CTNNA2: variants seen among roughly 807,000 people sequenced by gnomAD.
The protein encoded by CTNNA2 is catenin alpha 2, also known as catenin alpha-2.
In CTNNA2, 42 loss-of-function variants were observed where a neutral mutation model predicts 101.0. That is an observed-to-expected ratio of 0.42 (90% CI 0.32 to 0.54). The LOEUF is 0.54. CTNNA2 is among the 20% of genes least tolerant of loss of function. The pLI is 0.14. For missense variants in CTNNA2, 871 were observed against 1,223.1 expected (o/e 0.71, Z 4.29); for synonymous variants, 450 against 456.4 (o/e 0.99, Z 0.18).
At chr2:79,493,037 C>T (rs1671219662) in intron 4 of CTNNA2, among the ~76,000 whole-genome samples, 1 of 152,106 alleles carries the variant, frequency 6.6e-6, no homozygotes, top group African/African-American at 2.4e-5. Flanking sequence ...CATCAACAAA[C>T]TATGATTGGG....
chr2:80,116,710 A>T (rs1243877376), intron 7 of CTNNA2, among the ~76,000 whole-genome samples: 2 of 152,170 alleles, frequency 1.3e-5, no homozygotes, highest in Non-Finnish European at 2.9e-5. Context: ...TAATTGAGAT[A>T]ACAGCTACTG....
At chr2:79,735,317 C>T (rs1670797482) in intron 2 of CTNNA2, among the ~76,000 whole-genome samples, 1 of 152,104 alleles carries the variant, frequency 6.6e-6, no homozygotes, top group Non-Finnish European at 1.5e-5. Flanking sequence ...GAAAAGGCTG[C>T]TGTACTTTGT....
intron 3 of CTNNA2, among the ~76,000 whole-genome samples, chr2:79,814,390 A>T (rs1228909122): frequency 6.6e-6 from 1 of 151,992 alleles, no homozygotes; most frequent in African/African-American, 2.4e-5. Context: ...ATCCCTCGCC[A>T]CCTCTCACCT....
intron 9 of CTNNA2, among the ~76,000 whole-genome samples, chr2:80,516,931 C>T (rs1279898286): frequency 6.6e-6 from 1 of 152,178 alleles, no homozygotes; most frequent in South Asian, 2.1e-4. Context: ...TTCTTTGCTT[C>T]ATTCCTCTCA....
At chr2:79,517,232 A>G (rs903999664) in intron 1 of CTNNA2, among the ~76,000 whole-genome samples, 4 of 152,250 alleles carry the variant, frequency 2.6e-5, no homozygotes, top group African/African-American at 9.6e-5. Flanking sequence ...ATCCAACAGC[A>G]TAAGTGATAT....
intron 7 of CTNNA2, among the ~76,000 whole-genome samples, chr2:80,352,320 A>G (rs72912835): frequency 6.6e-6 from 1 of 152,298 alleles, no homozygotes; most frequent in African/African-American, 2.4e-5. Flanking sequence ...AGCGACCTAT[A>G]AAGGAGCCAT....
intron 7 of CTNNA2, among the ~76,000 whole-genome samples, chr2:79,956,554 A>G (rs1220878399): frequency 6.6e-6 from 1 of 152,110 alleles, no homozygotes; most frequent in Admixed American, 6.5e-5. Context: ...TTTCATAATT[A>G]TTGTCAATTT....
At chr2:79,894,719 C>A (rs1005263283) in intron 6 of CTNNA2, among the ~76,000 whole-genome samples, 2 of 152,086 alleles carry the variant, frequency 1.3e-5, no homozygotes, top group African/African-American at 4.8e-5. Context: ...AATTTCTATG[C>A]CACTATTCCT....
intron 2 of CTNNA2, among the ~76,000 whole-genome samples, chr2:79,699,863 A>C (rs541153397): frequency 3.4e-5 from 5 of 148,276 alleles, no homozygotes; most frequent in South Asian, 2.1e-4. Flanking sequence ...ATTTATATAC[A>C]TATGTGTGTA....
chr2:79,220,196 G>A (rs940047420), intron 2 of CTNNA2, among the ~76,000 whole-genome samples: 1 of 151,524 alleles, frequency 6.6e-6, no homozygotes, highest in African/African-American at 2.4e-5. Flanking sequence ...ATGTGTGTGT[G>A]TGTGTATATA....
chr2:80,573,987 C>T (rs1694822520), intron 12 of CTNNA2, among the ~76,000 whole-genome samples, 176 bp from the exon 13 acceptor site: 1 of 152,124 alleles, frequency 6.6e-6, no homozygotes, highest in African/African-American at 2.4e-5. Flanking sequence ...TTTCCCTGCT[C>T]CTGAGGTAAC....
chr2:79,293,421 G>T (rs1393092582), intron 2 of CTNNA2: 2 of 152,094 alleles, frequency 1.3e-5, no homozygotes, highest in Non-Finnish European at 2.9e-5. Flanking sequence ...AAAACAGTTT[G>T]GTGCTCAGAA....
At chr2:80,091,597 A>G (rs1292662099) in intron 7 of CTNNA2, among the ~76,000 whole-genome samples, 1 of 152,102 alleles carries the variant, frequency 6.6e-6, no homozygotes, top group Admixed American at 6.6e-5. Flanking sequence ...CCTAGGCTAG[A>G]GTTAGGACAG....
chr2:79,325,826 T>C (rs2104413613), intron 3 of CTNNA2, among the ~76,000 whole-genome samples: 1 of 152,332 alleles, frequency 6.6e-6, no homozygotes, highest in East Asian at 1.9e-4. Flanking sequence ...CTCAGTAAAA[T>C]GTTCTAAACC....
chr2:80,241,779 T>A (rs965243717), intron 7 of CTNNA2, among the ~76,000 whole-genome samples: 2 of 152,192 alleles, frequency 1.3e-5, no homozygotes, highest in African/African-American at 4.8e-5. Flanking sequence ...GCACTGAGCC[T>A]AAGGATAAGG....
chr2:80,534,679 G>A (rs1296534284), intron 9 of CTNNA2, among the ~76,000 whole-genome samples: 1 of 152,162 alleles, frequency 6.6e-6, no homozygotes, highest in Non-Finnish European at 1.5e-5. Context: ...TGTTGGTGGA[G>A]AAGTCAAGAA....
intron 15 of CTNNA2, chr2:80,603,546 A>C (rs1399419117): frequency 6.6e-6 from 1 of 152,098 alleles, no homozygotes; most frequent in South Asian, 2.1e-4. Flanking sequence ...TAAATAATAG[A>C]ATATAAATAT....
At chr2:80,529,270 TA>T (rs1415285128) in intron 9 of CTNNA2, among the ~76,000 whole-genome samples, 1 of 152,202 alleles carries the variant, frequency 6.6e-6, no homozygotes, top group Admixed American at 6.5e-5. Flanking sequence ...TTTATAAGTG[TA>T]AAACCATTCT....
chr2:79,225,277 C>T (rs981098670), intron 2 of CTNNA2, among the ~76,000 whole-genome samples: 2 of 152,116 alleles, frequency 1.3e-5, no homozygotes, highest in African/African-American at 4.8e-5. Context: ...TCAGTTGCTC[C>T]ATGTCCTTGC....
Sources: gnomAD v4.1 joint callset for allele counts (sites outside exome capture counted in the v4.1 genomes callset) on GRCh38, gnomAD v4.1.1 for gene constraint, MANE v1.5 for transcripts, NCBI Gene and HGNC (gene_info 2026-07-23, HGNC 2026-07-21) for gene names.